Variants in ZNF502 observed in about 807,000 individuals in gnomAD.
ZNF502 encodes the protein zinc finger protein 502.
In ZNF502, 29 loss-of-function variants were observed where a neutral mutation model predicts 43.6. The ratio of observed to expected loss-of-function variants is 0.67; its 90% CI spans 0.50 to 0.91. ZNF502 has a LOEUF of 0.91. Among genes scored for constraint, ZNF502 ranks in the 40% least tolerant of loss-of-function variants. ZNF502 has a pLI of 0.00. For missense variants in ZNF502, 591 were observed against 647.2 expected (o/e 0.91, Z 0.94); for synonymous variants, 171 against 207.4 (o/e 0.82, Z 1.51).
chr3:44,716,894 C>G (rs59158519), intron 1 of ZNF502, among the ~76,000 whole-genome samples: 1,655 of 152,186 alleles, frequency 0.011, 28 homozygotes, highest in African/African-American at 0.037. Context: ...ATTTTTCTCT[C>G]AGTTCATCTT....
intron 1 of ZNF502, chr3:44,714,606 C>T (rs1704098794): frequency 6.6e-6 from 1 of 152,084 alleles, no homozygotes; most frequent in Non-Finnish European, 1.5e-5. Flanking sequence ...GTTTGCTGAC[C>T]CTTGACATTG....
intron 1 of ZNF502, among the ~76,000 whole-genome samples, chr3:44,713,639 G>A (rs995688193): frequency 2.6e-5 from 4 of 151,542 alleles, no homozygotes; most frequent in Non-Finnish European, 5.9e-5. Context: ...GGAGTGCAAC[G>A]GGGTGATCTG....
At chr3:44,718,897 G>A (rs958927703) in intron 1 of ZNF502, among the ~76,000 whole-genome samples, 2 of 151,766 alleles carry the variant, frequency 1.3e-5, no homozygotes, top group Non-Finnish European at 2.9e-5. Context: ...CTGTAGGATT[G>A]TATAGTAGCT....
At chr3:44,713,504 C>G (rs1292240699) in intron 1 of ZNF502, among the ~76,000 whole-genome samples, 1 of 152,022 alleles carries the variant, frequency 6.6e-6, no homozygotes, top group Non-Finnish European at 1.5e-5. Context: ...ATACCAGGCA[C>G]TATTTGAAGC....
In ZNF502 at chr3:44,722,942, G is replaced by C. The variant is rs1704405329; in HGVS notation, c.*490G>C. On this transcript the variant is annotated 3_prime_UTR_variant, in exon 3 of 3. Coordinates refer to ENST00000436624, the MANE Select transcript of ZNF502 (RefSeq NM_001134442.3). ...GGGGAGGCTCCCAACCTGTGGAAGT[G>C]GTCCTGTGAAAAGGAGACAGAAACA... The C allele has an allele frequency of 6.8e-6, 1 of 146,254 alleles. No individual in the cohort carries two copies. The highest frequency in any genetic ancestry group is 1.5e-5 in the Non-Finnish European group (1 of 67,640). The allele number at this position is 146,254 out of a possible 1,614,324, so 9.1% of individuals were successfully genotyped here. A position where few individuals can be genotyped will look rare whatever the true frequency, so the allele number is the denominator to read the frequency against.
Position 44,721,417 on chromosome 3 carries a change from A to G in ZNF502, c.600A>G (p.Gln200=). 2 of 1,614,174 alleles carry G rather than the reference A, an allele frequency of 1.2e-6. No individual in the cohort carries two copies. The highest frequency in any genetic ancestry group is 1.1e-5 in the South Asian group (1 of 91,074). ...TTAGTCGTAGTTCATTCCTTGTTCA[A>G]CATCAAAGAATTCACACTGGAGTGA... ...KAFSRSSFLV[Q]HQRIHTGVKP... Residue 200 remains glutamine, a synonymous_variant, in exon 3 of 3, where the codon CAA becomes CAG. Transcript: ENST00000436624.
rs775075271 is a variant in ZNF502, at chr3:44,722,356, C to T, written c.1539C>T (p.His513=). The T allele has an allele frequency of 6.2e-7, 1 of 1,614,252 alleles. No homozygotes were observed. Among genetic ancestry groups the T allele is most frequent in the South Asian group, 1.1e-5 (1 of 91,088 alleles). ...ACCTTAGTGAACATTACAGAATTCA[C>T]ACTGGTGAGAAGCCTTATGAGTGTA... ...YAHLSEHYRI[H]TGEKPYECIE... The change falls in exon 3 of 3, where the codon CAC becomes CAT. Residue 513 remains histidine (H), a synonymous_variant. Coordinates refer to ENST00000436624, the MANE Select transcript of ZNF502 (RefSeq NM_001134442.3).
At chr3:44,717,603 G>T (rs1704182516) in intron 1 of ZNF502, among the ~76,000 whole-genome samples, 1 of 151,430 alleles carries the variant, frequency 6.6e-6, no homozygotes, top group Non-Finnish European at 1.5e-5. Flanking sequence ...TAGAGACAGG[G>T]TTTCTCCATG....
At chr3:44,719,728 C>G (rs1359415466) in intron 1 of ZNF502, among the ~76,000 whole-genome samples, 3 of 152,196 alleles carry the variant, frequency 2.0e-5, no homozygotes, top group Non-Finnish European at 1.5e-5. Context: ...AGATAGCATT[C>G]CCTAACACTA....
chr3:44,717,743 C>T (rs964475723), intron 1 of ZNF502, among the ~76,000 whole-genome samples: 5 of 152,098 alleles, frequency 3.3e-5, no homozygotes, highest in Non-Finnish European at 5.9e-5. Context: ...ACTGCAGCCT[C>T]GAACTCCTGG....
At position 44,712,738 on chromosome 3, in the gene ZNF502, A is replaced by G. The variant is rs755989643; in HGVS notation, c.-62A>G. 1.3e-5 allele frequency: 2 copies of G among 152,308 alleles called. No individual in the cohort carries two copies. The highest frequency in any genetic ancestry group is 2.9e-5 in the Non-Finnish European group (2 of 68,102). The allele number at this position is 152,308 out of a possible 1,614,324, so 9.4% of individuals were successfully genotyped here. ...GCTCCGCGGAGAGTCCGTGGATCTCACAGTGAGCGAGTTGGGACCCAGGGA... is the reference window on the plus strand; with the variant it reads ...GCTCCGCGGAGAGTCCGTGGATCTCGCAGTGAGCGAGTTGGGACCCAGGGA... On this transcript the variant is annotated splice_region_variant and 5_prime_UTR_variant, in exon 1 of 3. Coordinates refer to ENST00000436624, the MANE Select transcript of ZNF502 (RefSeq NM_001134442.3).
At position 44,715,854 on chromosome 3, in the gene ZNF502, G is replaced by A. The variant is rs549000059; in HGVS notation, c.-60+3114G>A. On this transcript the variant is annotated intron_variant, in intron 1 of 2. Transcript: ENST00000436624. ...CCTGAGTAGCTGAAACCACAAGCAC[G>A]ACACATGTATATTTTAACAAACATA... Among the ~76,000 whole-genome samples, 10 of 151,998 alleles carry A rather than the reference G, an allele frequency of 6.6e-5. No individual in the cohort carries two copies. The South Asian group carries it at 1.9e-3, about 28-fold the overall frequency.
intron 1 of ZNF502, among the ~76,000 whole-genome samples, chr3:44,716,278 C>G (rs554968242): frequency 6.6e-6 from 1 of 151,850 alleles, no homozygotes; most frequent in Non-Finnish European, 1.5e-5. Context: ...GCCTCTGCCC[C>G]CTGGGTTCAA....
In ZNF502 at chr3:44,723,674, A is replaced by T. The variant is rs966030806; in HGVS notation, c.*1222A>T. On this transcript the variant is annotated 3_prime_UTR_variant, in exon 3 of 3. Transcript: ENST00000436624. ...AGAGAAATGACATAGTTTTCCCTTT[A>T]TTTCCCAAATTCCTTTCATGTTCTT... The T allele has an allele frequency of 6.6e-5, 10 of 152,120 alleles. No homozygotes were observed. The highest frequency in any genetic ancestry group is 5.2e-4 in the Admixed American group (8 of 15,270). 9.4% of individuals were successfully genotyped at this position (152,120 alleles called of 1,614,324 possible). A position where few individuals can be genotyped will look rare whatever the true frequency, so the allele number is the denominator to read the frequency against.
chr3:44,717,999 A>G (rs1704197018), intron 1 of ZNF502, among the ~76,000 whole-genome samples: 1 of 152,170 alleles, frequency 6.6e-6, no homozygotes, highest in African/African-American at 2.4e-5. Flanking sequence ...GAGTTTTCCT[A>G]GCCACATTGC....
chr3:44,719,100 A>G (rs574427797), intron 1 of ZNF502, among the ~76,000 whole-genome samples: 95 of 151,808 alleles, frequency 6.3e-4, no homozygotes, highest in Middle Eastern at 6.8e-3. Flanking sequence ...CATTCTCCCG[A>G]GTAGCTGGGA....
Sources: gnomAD v4.1 joint callset for allele counts (sites outside exome capture counted in the v4.1 genomes callset) on GRCh38, gnomAD v4.1.1 for gene constraint, MANE v1.5 for transcripts, NCBI Gene and HGNC (gene_info 2026-07-23, HGNC 2026-07-21) for gene names.